Variants in SHD observed in about 807,000 individuals in gnomAD.
SHD encodes SH2 domain-containing adapter protein D.
SHD carries 29 observed loss-of-function variants against 31.2 expected under a neutral mutation model. The ratio of observed to expected loss-of-function variants is 0.93; its 90% CI spans 0.69 to 1.27. The LOEUF is 1.27. SHD is among the 50% of genes most tolerant of loss of function. The pLI is 0.00. For synonymous variants in SHD, 208 were observed against 187.8 expected (o/e 1.11, Z -0.88); for missense variants, 520 against 453.8 (o/e 1.15, Z -1.33).
Position 4,282,440 on chromosome 19 carries a change from ACT to A in SHD, c.298-428_298-427del, listed in dbSNP as rs551041164. On this transcript the variant is annotated intron_variant, in intron 1 of 5. Coordinates refer to ENST00000543264, the MANE Select transcript of SHD (RefSeq NM_020209.4). ...ATCTCAAAATAAATAAATAAATAAA[ACT>A]CAGCTGGGCGCGGTTGCTCACGCCT... Among the ~76,000 whole-genome samples the A allele has an allele frequency of 1.7e-3, 260 of 149,088 alleles. 1 individual carries two copies. Among genetic ancestry groups the A allele is most frequent in the African/African-American group, 6.3e-3 (253 of 40,292 alleles).
intron 4 of SHD, among the ~76,000 whole-genome samples, chr19:4,287,163 T>C (rs186046278): frequency 9.9e-5 from 15 of 151,526 alleles, no homozygotes; most frequent in Admixed American, 7.2e-4. Flanking sequence ...AAACCCAGTC[T>C]TTACGAAAAA....
At chr19:4,285,016 A>T in intron 4 of SHD, 112 bp downstream of exon 4, 1 of 1,256,744 alleles carries the variant, frequency 8.0e-7, no homozygotes. Flanking sequence ...GGGAACTTCG[A>T]TTCATTCATC....
chr19:4,280,396 G>A, intron 1 of SHD, 36 bp downstream of exon 1: 1 of 1,525,744 alleles, frequency 6.6e-7, no homozygotes, highest in Non-Finnish European at 8.8e-7. Context: ...ACTGGGTGGA[G>A]GGGAGGCTCA....
At chr19:4,290,161 C>T (rs1174836546) in intron 5 of SHD, among the ~76,000 whole-genome samples, 4 of 152,180 alleles carry the variant, frequency 2.6e-5, no homozygotes, top group Non-Finnish European at 5.9e-5. Context: ...CAGGCGTGAG[C>T]CACCGCACCC....
chr19:4,289,457 G>A (rs973026359), intron 5 of SHD, among the ~76,000 whole-genome samples: 3 of 151,812 alleles, frequency 2.0e-5, no homozygotes, highest in African/African-American at 7.3e-5. Flanking sequence ...TGTTGGCCAG[G>A]CTGGTCTCAA....
chr19:4,282,947 G>A lies in SHD; in HGVS notation c.375G>A (p.Glu125=), dbSNP rs759749466. The A allele has an allele frequency of 2.0e-5, 33 of 1,614,002 alleles. No homozygotes were observed. The East Asian group carries it at 7.4e-4, about 36-fold the overall frequency. The change falls in exon 2 of 6, where the codon GAG becomes GAA. Residue 125 remains glutamate (E), a synonymous_variant. Transcript: ENST00000543264. ...HPAPPDDGYM[E]PYDAQWVMSE... ...CACCCCCGGATGATGGGTACATGGAGCCCTACGATGCCCAATGGGTCATGA... is the reference window on the plus strand; with the variant it reads ...CACCCCCGGATGATGGGTACATGGAACCCTACGATGCCCAATGGGTCATGA...
chr19:4,290,502 G>A lies in SHD; in HGVS notation c.892G>A (p.Val298Met), dbSNP rs1971366751. The A allele has an allele frequency of 6.2e-7, 1 of 1,613,514 alleles. No individual in the cohort carries two copies. Among genetic ancestry groups the A allele is most frequent in the Admixed American group, 1.7e-5 (1 of 59,970 alleles). The change falls in exon 6 of 6, where the codon GTG (valine) becomes ATG (methionine). Residue 298 changes from valine (V) to methionine (M), a missense_variant. Coordinates refer to ENST00000543264, the MANE Select transcript of SHD (RefSeq NM_020209.4). The part of the protein sequence containing the change: ...KFARTRENQV[V>M]LGQHSGPFPS... ...CGCGCGGACCCGTGAGAACCAGGTGGTGCTGGGCCAACACAGCGGGCCCTT... is the reference window on the plus strand; with the variant it reads ...CGCGCGGACCCGTGAGAACCAGGTGATGCTGGGCCAACACAGCGGGCCCTT...
intron 4 of SHD, among the ~76,000 whole-genome samples, chr19:4,287,222 C>T (rs1430764016): frequency 1.3e-5 from 2 of 151,632 alleles, no homozygotes; most frequent in African/African-American, 4.8e-5. Context: ...GTCCCAGCTA[C>T]TTGGGAGGCT....
intron 3 of SHD, among the ~76,000 whole-genome samples, chr19:4,284,073 G>A (rs1162859229): frequency 1.3e-5 from 2 of 151,794 alleles, no homozygotes; most frequent in Non-Finnish European, 2.9e-5. Flanking sequence ...AGAGGCCGAG[G>A]CGGGTGGATC....
At chr19:4,289,851 G>A (rs1271322596) in intron 5 of SHD, among the ~76,000 whole-genome samples, 4 of 151,734 alleles carry the variant, frequency 2.6e-5, no homozygotes, top group South Asian at 2.1e-4. Flanking sequence ...GATTACAGGC[G>A]TGAGCCACCG....
rs74542136 is a variant in SHD at position 4,290,599 on chromosome 19, C to G, written c.989C>G (p.Ala330Gly). The G allele has an allele frequency of 6.2e-7, 1 of 1,612,734 alleles. No individual in the cohort carries two copies. ...CCGGTGCAGGGTGCCGAGCATCTGG[C>G]TCTGCTGTACCCCGTGGTCACGCAG... ...PLPVQGAEHL[A>G]LLYPVVTQTP The change falls in exon 6 of 6, where the codon GCT becomes GGT. Residue 330 changes from alanine to glycine, a missense_variant. Coordinates refer to ENST00000543264, the MANE Select transcript of SHD (RefSeq NM_020209.4).
intron 4 of SHD, among the ~76,000 whole-genome samples, chr19:4,287,854 C>T (rs1457544473): frequency 6.6e-6 from 1 of 152,004 alleles, no homozygotes; most frequent in African/African-American, 2.4e-5. Context: ...CAAGCCCATG[C>T]ACCAGCTGTG....
At position 4,290,588 on chromosome 19, in the gene SHD, C is replaced by G. The variant is rs111268424; in HGVS notation, c.978C>G (p.Ala326=). The G allele has an allele frequency of 1.2e-6, 2 of 1,613,354 alleles. No homozygotes were observed. Among genetic ancestry groups the G allele is most frequent in the South Asian group, 2.2e-5 (2 of 91,020 alleles). Residue 326 remains alanine, a synonymous_variant, in exon 6 of 6, where the codon GCC becomes GCG. Transcript: ENST00000543264. ...YSSRPLPVQG[A]EHLALLYPVV... is the part of the protein sequence containing the mutation. ...CACGCCCACTGCCGGTGCAGGGTGC[C>G]GAGCATCTGGCTCTGCTGTACCCCG...
chr19:4,285,246 G>A (rs1184143251), intron 4 of SHD, among the ~76,000 whole-genome samples: 1 of 152,148 alleles, frequency 6.6e-6, no homozygotes, highest in Non-Finnish European at 1.5e-5. Context: ...CCTTAACTTG[G>A]GTGGGGCTTA....
At position 4,284,634 on chromosome 19, in the gene SHD, T is replaced by C. The variant is rs754627670; in HGVS notation, c.593-147T>C. The stretch of plus-strand genomic sequence containing the variant: ...AAAAGGTTGCACCTGTGGCCAATCC[T>C]GCCCCTGCCTTAAGCCCAGCCCCTG... On this transcript the variant is annotated intron_variant, in intron 3 of 5. Coordinates refer to ENST00000543264, the MANE Select transcript of SHD (RefSeq NM_020209.4). 6.0e-4 allele frequency: 592 copies of C among 981,370 alleles called. 1 individual carries two copies. Among genetic ancestry groups the C allele is most frequent in the Non-Finnish European group, 7.8e-4 (558 of 716,034 alleles). The allele number at this position is 981,370 out of a possible 1,614,324, so 60.8% of individuals were successfully genotyped here.
At chr19:4,286,529 A>G (rs974774392) in intron 4 of SHD, among the ~76,000 whole-genome samples, 4 of 152,034 alleles carry the variant, frequency 2.6e-5, no homozygotes, top group African/African-American at 9.7e-5. Flanking sequence ...TTCATTGTGA[A>G]CAACAGCAAA....
Position 4,290,547 on chromosome 19 carries a change from G to C in SHD, c.937G>C (p.Val313Leu), listed in dbSNP as rs555300757. ...SGPFPSVPEL[V>L]LHYSSRPLPV... ...GCCCTTCCCCAGCGTGCCCGAGCTC[G>C]TCCTCCACTACAGTTCACGCCCACT... is the stretch of plus-strand genomic sequence containing the variant. The change falls in exon 6 of 6, where the codon GTC becomes CTC. Residue 313 changes from valine to leucine, a missense_variant. Physicochemically the swap from Val to Leu is conservative, Grantham distance 32. Transcript: ENST00000543264. 182 of 1,613,626 alleles carry C rather than the reference G, an allele frequency of 1.1e-4. 1 individual carries two copies. In the South Asian group the frequency reaches 1.9e-3, roughly 17 times the overall value.
chr19:4,285,751 T>C lies in SHD; in HGVS notation c.716+847T>C, dbSNP rs534863300. ...TTTCAGTAGAGACAGAGTTTCAGTA[T>C]GTTGGCCAGGCTGGTCTGGAACTCC... On this transcript the variant is annotated intron_variant, in intron 4 of 5. Coordinates refer to ENST00000543264, the MANE Select transcript of SHD (RefSeq NM_020209.4). 2.6e-5 allele frequency among the ~76,000 whole-genome samples: 4 copies of C among 152,100 alleles called. No individual in the cohort carries two copies. In the East Asian group the frequency reaches 7.8e-4, roughly 29 times the overall value.
Position 4,282,896 on chromosome 19 carries a change from C to A in SHD, c.324C>A (p.Asp108Glu). The A allele has an allele frequency of 6.2e-7, 1 of 1,614,044 alleles. No homozygotes were observed. Among genetic ancestry groups the A allele is most frequent in the Non-Finnish European group, 8.5e-7 (1 of 1,180,024 alleles). ...EELEADTEYL[D>E]PFDAQPHPAP... The stretch of plus-strand genomic sequence containing the variant: ...TGGAAGCCGACACTGAGTATTTAGA[C>A]CCCTTTGATGCTCAGCCTCATCCTG... The change falls in exon 2 of 6, where the codon GAC becomes GAA. Residue 108 changes from aspartate (D) to glutamate (E), a missense_variant. Physicochemically the swap from Asp to Glu is conservative, Grantham distance 45 (BLOSUM62 2). Coordinates refer to ENST00000543264, the MANE Select transcript of SHD (RefSeq NM_020209.4).
Sources: allele counts gnomAD v4.1 joint callset (sites outside exome capture counted in the v4.1 genomes callset), GRCh38; gene constraint gnomAD v4.1.1; transcripts MANE v1.5; gene names NCBI Gene and HGNC (gene_info 2026-07-23, HGNC 2026-07-21).